The following RORA variants were observed in gnomAD, a reference collection of about 807,000 sequenced individuals.
The protein encoded by RORA is nuclear receptor ROR-alpha.
RORA carries 7 observed loss-of-function variants against 69.5 expected under a neutral mutation model. The ratio of observed to expected loss-of-function variants is 0.10; its 90% confidence interval spans 0.06 to 0.19. The LOEUF (loss-of-function observed/expected upper bound fraction) is 0.19, where lower values mean the gene tolerates loss of function less well. Among genes scored for constraint, RORA ranks in the 10% least tolerant of loss-of-function variants. RORA has a pLI of 1.00. For missense variants in RORA, 457 were observed against 663.0 expected, an observed-to-expected ratio of 0.69 and a Z score of 3.41; for synonymous variants, 261 against 240.8, an observed-to-expected ratio of 1.08 and a Z score of -0.78.
At chr15:60,814,133 C>T (rs779005807) in intron 1 of RORA, among the ~76,000 whole-genome samples, 4 of 152,184 alleles carry the variant, frequency 2.6e-5, no homozygotes, top group Non-Finnish European at 5.9e-5. Context: ...TTTTATATGG[C>T]TTCCAAGCCT....
intron 2 of RORA, among the ~76,000 whole-genome samples, chr15:60,607,966 T>G (rs554809875): frequency 7.5e-4 from 114 of 152,356 alleles, no homozygotes; most frequent in Non-Finnish European, 1.9e-4. Flanking sequence ...CGATACCTTT[T>G]TCTTGGCTGC....
At chr15:61,174,583 C>T (rs958911228) in intron 1 of RORA, among the ~76,000 whole-genome samples, 21 of 152,290 alleles carry the variant, frequency 1.4e-4, no homozygotes, top group African/African-American at 5.1e-4. Context: ...GTCAAAACTT[C>T]CTGTCATAAA....
chr15:60,963,685 A>G (rs1315540246), intron 1 of RORA, among the ~76,000 whole-genome samples: 1 of 152,234 alleles, frequency 6.6e-6, no homozygotes, highest in Non-Finnish European at 1.5e-5. Flanking sequence ...CTATGTGTTG[A>G]TGAAAGTGTT....
rs193193384 is a variant in RORA, at chr15:61,106,800, G to A, written c.166+122253C>T. ...GAGGCCAAGGGCCCTTGAATCTTCTGCCGCAGGTTTAACACAAATGCATTT... is the reference window on the plus strand; with the variant it reads ...GAGGCCAAGGGCCCTTGAATCTTCTACCGCAGGTTTAACACAAATGCATTT... On this transcript the variant is annotated intron_variant, in intron 1 of 10. Coordinates refer to ENST00000335670, the MANE Select transcript of RORA (RefSeq NM_134261.3). 6.6e-5 allele frequency among the ~76,000 whole-genome samples: 10 copies of A among 152,250 alleles called. No homozygotes were observed. The East Asian group carries it at 1.9e-3, about 29-fold the overall frequency.
chr15:61,159,118 A>T (rs2079471774), intron 1 of RORA, among the ~76,000 whole-genome samples: 1 of 152,116 alleles, frequency 6.6e-6, no homozygotes, highest in Non-Finnish European at 1.5e-5. Flanking sequence ...TTTAAGAACA[A>T]CTTCCTACCC....
At chr15:61,126,583 A>G (rs1030577172) in intron 1 of RORA, among the ~76,000 whole-genome samples, 4 of 152,212 alleles carry the variant, frequency 2.6e-5, no homozygotes, top group Non-Finnish European at 5.9e-5. Context: ...ATCTATTTTC[A>G]AAGAGTTGTA....
intron 1 of RORA, among the ~76,000 whole-genome samples, chr15:61,154,849 T>C (rs1362058602): frequency 6.6e-6 from 1 of 152,068 alleles, no homozygotes; most frequent in African/African-American, 2.4e-5. Flanking sequence ...GGCTCAAGAA[T>C]AGAGAGTGGG....
chr15:61,170,375 T>C (rs1434539810), intron 1 of RORA, among the ~76,000 whole-genome samples: 1 of 152,202 alleles, frequency 6.6e-6, no homozygotes, highest in African/African-American at 2.4e-5. Context: ...CTTCAAATCT[T>C]TCTCTTCCTG....
intron 1 of RORA, among the ~76,000 whole-genome samples, chr15:61,030,575 TGAG>T (rs1896109708): frequency 6.6e-6 from 1 of 152,138 alleles, no homozygotes; most frequent in Non-Finnish European, 1.5e-5. Flanking sequence ...ACAGGAAGTT[TGAG>T]AAGAAATTTA....
chr15:61,153,621 G>T (rs1223168684), intron 1 of RORA, among the ~76,000 whole-genome samples: 1 of 152,154 alleles, frequency 6.6e-6, no homozygotes, highest in Non-Finnish European at 1.5e-5. Flanking sequence ...TGAATGTTTG[G>T]CTATATAATT....
At chr15:60,602,210 A>C (rs1034320048) in intron 2 of RORA, among the ~76,000 whole-genome samples, 1 of 152,198 alleles carries the variant, frequency 6.6e-6, no homozygotes, top group African/African-American at 2.4e-5. Context: ...AAAAAGGGAA[A>C]TATCAGAGTT....
chr15:60,528,414 G>T (rs1296172845), intron 3 of RORA: 1 of 149,942 alleles, frequency 6.7e-6, no homozygotes, highest in Non-Finnish European at 1.5e-5. Context: ...CTCTATATTA[G>T]TTCTTGCATT....
At chr15:60,558,762 G>A (rs1427689566) in intron 2 of RORA, among the ~76,000 whole-genome samples, 1 of 152,198 alleles carries the variant, frequency 6.6e-6, no homozygotes, top group Non-Finnish European at 1.5e-5. Context: ...CCAAGCAAGA[G>A]TCACCTGTAT....
chr15:60,569,365 G>C (rs1567094423), intron 2 of RORA, among the ~76,000 whole-genome samples: 1 of 151,622 alleles, frequency 6.6e-6, no homozygotes, highest in Non-Finnish European at 1.5e-5. Context: ...GGAGTTCCAG[G>C]TTACAGTGAG....
At chr15:60,849,430 A>G (rs1165317394) in intron 1 of RORA, among the ~76,000 whole-genome samples, 1 of 152,238 alleles carries the variant, frequency 6.6e-6, no homozygotes, top group Non-Finnish European at 1.5e-5. Context: ...GACAACATTG[A>G]CAGATACAGA....
chr15:61,053,710 T>C (rs1179156572), intron 1 of RORA, among the ~76,000 whole-genome samples: 1 of 151,450 alleles, frequency 6.6e-6, no homozygotes, highest in African/African-American at 2.4e-5. Flanking sequence ...TTCTCCCTTT[T>C]CAAGGGGCTA....
At chr15:61,075,580 C>A (rs1357037079) in intron 1 of RORA, among the ~76,000 whole-genome samples, 1 of 152,226 alleles carries the variant, frequency 6.6e-6, no homozygotes, top group Non-Finnish European at 1.5e-5. Context: ...CAACCCCTAT[C>A]TCAACTGAGC....
At chr15:60,594,394 A>G (rs1034303449) in intron 2 of RORA, among the ~76,000 whole-genome samples, 3 of 152,174 alleles carry the variant, frequency 2.0e-5, no homozygotes, top group African/African-American at 7.2e-5. Flanking sequence ...CCCAGGTACA[A>G]TTTTCTTTCT....
At chr15:60,819,646 A>G (rs1468179232) in intron 1 of RORA, among the ~76,000 whole-genome samples, 1 of 151,858 alleles carries the variant, frequency 6.6e-6, no homozygotes, top group Non-Finnish European at 1.5e-5. Context: ...ATGCAGTACG[A>G]GCTTCCTCCT....
Sources: gnomAD v4.1 joint callset for allele counts (sites outside exome capture counted in the v4.1 genomes callset) on GRCh38, gnomAD v4.1.1 for gene constraint, MANE v1.5 for transcripts, NCBI Gene and HGNC (gene_info 2026-07-23, HGNC 2026-07-21) for gene names.